Variants in RASGRF1 observed in about 807,000 individuals in gnomAD.
RASGRF1 encodes the protein Ras protein specific guanine nucleotide releasing factor 1, also known as ras-specific guanine nucleotide-releasing factor 1.
In RASGRF1, 40 loss-of-function variants were observed where a neutral mutation model predicts 138.7. The ratio of observed to expected loss-of-function variants is 0.29; its 90% CI spans 0.22 to 0.38. RASGRF1 has a LOEUF of 0.38. Ranked by LOEUF, RASGRF1 falls within the 10% of genes least tolerant of loss-of-function variation. The pLI, the probability that RASGRF1 is intolerant of heterozygous loss-of-function variation, is 1.00. For synonymous variants in RASGRF1, 614 were observed against 663.2 expected, an observed-to-expected ratio of 0.93 and a Z score of 1.14; for missense variants, 1,108 against 1,650.4, an observed-to-expected ratio of 0.67 and a Z score of 5.69.
chr15:79,048,161 G>A (rs1372656767), intron 4 of RASGRF1, among the ~76,000 whole-genome samples: 3 of 152,216 alleles, frequency 2.0e-5, no homozygotes, highest in African/African-American at 7.2e-5. Flanking sequence ...ACACCGGTCA[G>A]GGCGTCTCTG....
At chr15:79,024,265 G>C (rs962670344) in intron 10 of RASGRF1, among the ~76,000 whole-genome samples, 4 of 151,256 alleles carry the variant, frequency 2.6e-5, no homozygotes, top group Admixed American at 1.3e-4. Context: ...CCTGTACACA[G>C]AAAGACAATA....
chr15:79,089,022 A>G (rs960704809), intron 1 of RASGRF1, among the ~76,000 whole-genome samples: 1 of 152,182 alleles, frequency 6.6e-6, no homozygotes, highest in East Asian at 1.9e-4. Context: ...TGTCCTGACA[A>G]TTGGGAGGAA....
At chr15:79,035,823 A>G (rs2057213236) in intron 5 of RASGRF1, among the ~76,000 whole-genome samples, 1 of 152,248 alleles carries the variant, frequency 6.6e-6, no homozygotes, top group Admixed American at 6.5e-5. Context: ...CCCAGTGCAC[A>G]GGAGACGCTC....
chr15:79,086,365 G>A (rs117621811), intron 1 of RASGRF1, among the ~76,000 whole-genome samples: 17 of 152,302 alleles, frequency 1.1e-4, no homozygotes, highest in South Asian at 1.0e-3. Context: ...GCCAGAGAAC[G>A]CATCTCATTT....
Position 78,973,549 on chromosome 15 carries a change from C to T in RASGRF1, c.3495-129G>A, listed in dbSNP as rs186101960. 5 of 687,498 alleles carry T rather than the reference C, an allele frequency of 7.3e-6. No individual in the cohort carries two copies. In the Admixed American group the frequency reaches 7.8e-5, roughly 11 times the overall value. The allele number at this position is 687,498 out of a possible 1,614,324, so 42.6% of individuals were successfully genotyped here. A position where few individuals can be genotyped will look rare whatever the true frequency, so the allele number is the denominator to read the frequency against. ...GGACTTGCAGTCACCAAGAATCACA[C>T]TACACTCTAGAACTGACTATTCTAC... is the stretch of plus-strand genomic sequence containing the variant. On this transcript the variant is annotated intron_variant, in intron 24 of 26. Transcript: ENST00000558480. The surrounding 1 kb of genome is among the most constrained non-coding windows in gnomAD (Gnocchi z 4.9).
intron 19 of RASGRF1, 55 bp downstream of exon 19, chr15:78,998,041 C>T (rs976608455): frequency 2.3e-5 from 35 of 1,494,528 alleles, no homozygotes; most frequent in Non-Finnish European, 3.2e-5. Flanking sequence ...AGGCAGAAGG[C>T]AGGGCTCCTG....
chr15:79,020,355 G>C (rs2056943203), intron 10 of RASGRF1, among the ~76,000 whole-genome samples: 1 of 152,254 alleles, frequency 6.6e-6, no homozygotes, highest in South Asian at 2.1e-4. Context: ...AACCAAGGTT[G>C]AGTTCTGGCC....
At chr15:79,088,515 T>C (rs1180778733) in intron 1 of RASGRF1, among the ~76,000 whole-genome samples, 2 of 152,344 alleles carry the variant, frequency 1.3e-5, no homozygotes, top group African/African-American at 4.8e-5. Flanking sequence ...GTCTCAGGCC[T>C]GTCTGCCTTC....
At chr15:79,020,352 G>T (rs2049322225) in intron 10 of RASGRF1, among the ~76,000 whole-genome samples, 1 of 152,248 alleles carries the variant, frequency 6.6e-6, no homozygotes, top group Admixed American at 6.5e-5. Context: ...CCAAACCAAG[G>T]TTGAGTTCTG....
intron 5 of RASGRF1, among the ~76,000 whole-genome samples, chr15:79,035,690 A>C (rs1384198797): frequency 5.3e-5 from 8 of 152,230 alleles, no homozygotes; most frequent in Non-Finnish European, 1.2e-4. Context: ...AATCTGCCTG[A>C]TGCCCCTTCC....
At position 78,973,458 on chromosome 15, in the gene RASGRF1, T is replaced by A. The variant is rs772725869; in HGVS notation, c.3495-38A>T. 16 of 1,468,018 alleles carry A rather than the reference T, an allele frequency of 1.1e-5. No homozygotes were observed. The highest frequency in any genetic ancestry group is 1.4e-5 in the Non-Finnish European group (15 of 1,055,856). 90.9% of individuals were successfully genotyped at this position (1,468,018 alleles called of 1,614,324 possible). On this transcript the variant is annotated intron_variant, in intron 24 of 26. Transcript: ENST00000558480. This position sits in a 1 kb window ranked among gnomAD's most constrained non-coding sequence, Gnocchi z 4.9. ...CGGCATTAACACAAGTTTTTCATTT[T>A]AAAAAAGTAACGTCTACCAAGAACA... is the stretch of plus-strand genomic sequence containing the variant.
rs1225695867 is a variant in RASGRF1, at chr15:79,036,760, AAGAG to A, written c.879-1554_879-1551del. Among the ~76,000 whole-genome samples, 4 of 152,068 alleles carry A rather than the reference AAGAG, an allele frequency of 2.6e-5. No individual in the cohort carries two copies. In the East Asian group the frequency reaches 7.8e-4, roughly 29 times the overall value. ...AGACAGAGGATGTGAGAGAGATAGC[AAGAG>A]AGAGAAAGGGGTGAGGGAGATAAGA... On this transcript the variant is annotated intron_variant, in intron 5 of 26. Coordinates refer to ENST00000558480, the MANE Select transcript of RASGRF1 (RefSeq NM_001145648.3).
At chr15:79,064,821 G>C (rs117474366) in intron 1 of RASGRF1, among the ~76,000 whole-genome samples, 1 of 152,244 alleles carries the variant, frequency 6.6e-6, no homozygotes, top group Non-Finnish European at 1.5e-5. Context: ...CATCAGGCGC[G>C]CTGGAGGGAA....
rs2058043075 is a variant in RASGRF1, at chr15:79,090,588, G to A, written c.-90C>T. On this transcript the variant is annotated 5_prime_UTR_variant, in exon 1 of 27. Coordinates refer to ENST00000558480, the MANE Select transcript of RASGRF1 (RefSeq NM_001145648.3). The stretch of plus-strand genomic sequence containing the variant: ...TGCGCGCTGCGCGCTGCCTCTCTCT[G>A]GCGCTCGCTCGCTCGCTCCCTCTAG... The A allele has an allele frequency of 1.3e-6, 2 of 1,545,824 alleles. No homozygotes were observed. The highest frequency in any genetic ancestry group is 2.3e-5 in the East Asian group (1 of 44,260).
intron 19 of RASGRF1, among the ~76,000 whole-genome samples, chr15:78,996,671 T>TG (rs770815294): frequency 7.9e-5 from 12 of 151,726 alleles, no homozygotes; most frequent in Non-Finnish European, 1.3e-4. Context: ...ATATGCTCGG[T>TG]GGGGGGCTCC....
intron 3 of RASGRF1, among the ~76,000 whole-genome samples, chr15:79,053,137 C>T (rs1325335374): frequency 2.0e-5 from 3 of 152,056 alleles, no homozygotes; most frequent in Non-Finnish European, 4.4e-5. Context: ...TGGTGGCGCA[C>T]ACCTGTAATA....
intron 26 of RASGRF1, among the ~76,000 whole-genome samples, chr15:78,965,360 C>T (rs1175351654): frequency 1.3e-5 from 2 of 152,020 alleles, no homozygotes; most frequent in Non-Finnish European, 2.9e-5. Context: ...TGCCAACAAC[C>T]CCCCTCTTTA....
chr15:78,964,205 A>G (rs1005378693), intron 26 of RASGRF1, among the ~76,000 whole-genome samples: 1 of 151,334 alleles, frequency 6.6e-6, no homozygotes, highest in Non-Finnish European at 1.5e-5. Context: ...GGGGAATTTC[A>G]TTCTTGTCAC....
At chr15:79,015,561 G>A (rs778470826) in intron 12 of RASGRF1, 152 bp from the exon 13 acceptor site, 7 of 679,876 alleles carry the variant, frequency 1.0e-5, no homozygotes, top group African/African-American at 7.2e-5. Context: ...CAGGGTCAGC[G>A]TGGCGCATCC....
Sources: gnomAD v4.1 joint callset for allele counts (sites outside exome capture counted in the v4.1 genomes callset) on GRCh38, gnomAD v4.1.1 for gene constraint, Gnocchi (gnomAD v3.1) non-coding constraint, MANE v1.5 for transcripts, NCBI Gene and HGNC (gene_info 2026-07-23, HGNC 2026-07-21) for gene names.